The following ZDHHC14 variants were observed in gnomAD, a reference collection of about 807,000 sequenced individuals.
ZDHHC14 encodes the protein zDHHC palmitoyltransferase 14, also known as palmitoyltransferase ZDHHC14.
ZDHHC14 carries 16 observed loss-of-function variants against 47.7 expected under a neutral mutation model. That is an observed-to-expected ratio of 0.34 (90% CI 0.23 to 0.51). The LOEUF (loss-of-function observed/expected upper bound fraction) is 0.51, where lower values mean the gene tolerates loss of function less well. ZDHHC14 is among the 20% of genes least tolerant of loss of function. ZDHHC14 has a pLI of 0.97. For missense variants in ZDHHC14, 515 were observed against 662.5 expected, an observed-to-expected ratio of 0.78 and a Z score of 2.44; for synonymous variants, 293 against 278.9, an observed-to-expected ratio of 1.05 and a Z score of -0.50.
chr6:157,595,473 G>T (rs1418468711), intron 3 of ZDHHC14, among the ~76,000 whole-genome samples: 1 of 152,028 alleles, frequency 6.6e-6, no homozygotes, highest in Non-Finnish European at 1.5e-5. Context: ...TTACAGATGT[G>T]AGCCACTGCT....
rs755258903 is a variant in ZDHHC14, at chr6:157,653,558, C to T, written c.999C>T (p.Asp333=). ...ACAGAAGAGGGTACATCCAGCCCGA[C>T]ACGCCGCAGCCAGCAGCACCCTCCA... The part of the protein sequence containing the change: ...LIDRRGYIQP[D]TPQPAAPSNG... Residue 333 remains aspartate (D), a synonymous_variant, in exon 8 of 9, where the codon GAC becomes GAT. Coordinates refer to ENST00000359775, the MANE Select transcript of ZDHHC14 (RefSeq NM_024630.3). The T allele has an allele frequency of 6.2e-7, 1 of 1,613,984 alleles. No homozygotes were observed. The highest frequency in any genetic ancestry group is 1.1e-5 in the South Asian group (1 of 91,080).
intron 1 of ZDHHC14, among the ~76,000 whole-genome samples, chr6:157,412,814 G>A (rs1221037629): frequency 2.0e-5 from 3 of 152,226 alleles, no homozygotes; most frequent in Non-Finnish European, 4.4e-5. Flanking sequence ...TGGACATGAA[G>A]TTCTGGAAAT....
At chr6:157,666,216 T>C (rs151173323) in intron 8 of ZDHHC14, among the ~76,000 whole-genome samples, 3,030 of 152,344 alleles carry the variant, frequency 0.02, 50 homozygotes, top group Non-Finnish European at 0.03. Flanking sequence ...TGGGATCGCA[T>C]GCTAAATGCA....
Position 157,381,884 on chromosome 6 carries a change from G to A in ZDHHC14, c.-138G>A, listed in dbSNP as rs529370775. 2 of 739,502 alleles carry A rather than the reference G, an allele frequency of 2.7e-6. No individual in the cohort carries two copies. Among genetic ancestry groups the A allele is most frequent in the Admixed American group, 6.5e-5 (1 of 15,328 alleles). The allele number at this position is 739,502 out of a possible 1,614,324, so 45.8% of individuals were successfully genotyped here. On this transcript the variant is annotated 5_prime_UTR_variant, in exon 1 of 9. Coordinates refer to ENST00000359775, the MANE Select transcript of ZDHHC14 (RefSeq NM_024630.3). Reference sequence around the variant, plus strand: ...GGGTGTCCTCGGCAAAGTTGTCGCCGAGCCGGGAGCCCGTGTAGGGGCCGC... The same window carrying A: ...GGGTGTCCTCGGCAAAGTTGTCGCCAAGCCGGGAGCCCGTGTAGGGGCCGC...
intron 2 of ZDHHC14, among the ~76,000 whole-genome samples, chr6:157,587,099 A>C (rs904992224): frequency 1.3e-5 from 2 of 152,250 alleles, no homozygotes; most frequent in African/African-American, 4.8e-5. Flanking sequence ...TTCAGTTTCT[A>C]AACTTTTCTA....
rs535393037 is a variant in ZDHHC14 at position 157,389,834 on chromosome 6, A to G, written c.245+7568A>G. Among the ~76,000 whole-genome samples the G allele has an allele frequency of 6.2e-4, 94 of 152,084 alleles. 1 individual carries two copies. Among genetic ancestry groups the G allele is most frequent in the Non-Finnish European group, 1.9e-4 (13 of 67,974 alleles). On this transcript the variant is annotated intron_variant, in intron 1 of 8. Transcript: ENST00000359775. Reference sequence around the variant, plus strand: ...TATATGCTATAAAGCCAGTAATGTTATTATTTTTAAACAATCAATAGCTTT... The same window carrying G: ...TATATGCTATAAAGCCAGTAATGTTGTTATTTTTAAACAATCAATAGCTTT...
chr6:157,529,923 T>G (rs1221848494), intron 1 of ZDHHC14, among the ~76,000 whole-genome samples: 1 of 152,184 alleles, frequency 6.6e-6, no homozygotes, highest in Non-Finnish European at 1.5e-5. Flanking sequence ...CTCTTATAAG[T>G]CTTATCAGTC....
chr6:157,549,078 A>G (rs1782108244), intron 2 of ZDHHC14, among the ~76,000 whole-genome samples: 1 of 152,226 alleles, frequency 6.6e-6, no homozygotes, highest in Non-Finnish European at 1.5e-5. Flanking sequence ...ACACCTGCCT[A>G]TCTGATATCA....
intron 1 of ZDHHC14, among the ~76,000 whole-genome samples, chr6:157,452,852 A>G (rs1458085447): frequency 6.6e-6 from 1 of 151,640 alleles, no homozygotes; most frequent in African/African-American, 2.4e-5. Context: ...ACAGGCATGC[A>G]CCACCACACC....
chr6:157,588,540 T>C (rs112562803), intron 2 of ZDHHC14, among the ~76,000 whole-genome samples: 56,848 of 151,952 alleles, frequency 0.37, 10,838 homozygotes, highest in East Asian at 0.57. Context: ...GACATGCGAA[T>C]CATGGGTACT....
chr6:157,590,715 G>A (rs971189656), intron 2 of ZDHHC14, among the ~76,000 whole-genome samples: 3 of 152,214 alleles, frequency 2.0e-5, no homozygotes, highest in Non-Finnish European at 4.4e-5. Context: ...TCCCCACTGG[G>A]GCACTGCCTA....
intron 1 of ZDHHC14, among the ~76,000 whole-genome samples, chr6:157,447,451 G>A (rs992301742): frequency 1.3e-5 from 2 of 152,206 alleles, no homozygotes; most frequent in Non-Finnish European, 2.9e-5. Flanking sequence ...TCTCCCCAGC[G>A]CTACCTGCGC....
intron 8 of ZDHHC14, among the ~76,000 whole-genome samples, chr6:157,654,219 TAGGTTTCTAGCGTGC>T (rs918869264): frequency 6.6e-6 from 1 of 152,052 alleles, no homozygotes; most frequent in African/African-American, 2.4e-5. Context: ...TTGCAGTGTG[TAGGTTTCTAGCGTGC>T]AGGTTTCCAG....
chr6:157,400,806 C>A lies in ZDHHC14; in HGVS notation c.245+18540C>A, dbSNP rs547033153. Among the ~76,000 whole-genome samples, 9 of 152,338 alleles carry A rather than the reference C, an allele frequency of 5.9e-5. No homozygotes were observed. In the East Asian group the frequency reaches 1.7e-3, roughly 29 times the overall value. ...TGGCAGTAACCCTGCAGCGTTCCCC[C>A]AGGTCCCGCTGTCTTCCTTTGGCTC... On this transcript the variant is annotated intron_variant, in intron 1 of 8. Transcript: ENST00000359775.
At chr6:157,488,327 C>T (rs1779831782) in intron 1 of ZDHHC14, among the ~76,000 whole-genome samples, 1 of 152,210 alleles carries the variant, frequency 6.6e-6, no homozygotes, top group Non-Finnish European at 1.5e-5. Flanking sequence ...AGCCGGGTTT[C>T]TCCCCGACTT....
intron 1 of ZDHHC14, among the ~76,000 whole-genome samples, chr6:157,528,734 AAAAAT>A (rs1307105067): frequency 3.3e-5 from 5 of 151,856 alleles, no homozygotes; most frequent in South Asian, 4.2e-4. Context: ...TTCATCTCAA[AAAAAT>A]AAAATAAAAT....
At chr6:157,539,399 G>A (rs1011391627) in intron 1 of ZDHHC14, among the ~76,000 whole-genome samples, 2 of 152,002 alleles carry the variant, frequency 1.3e-5, no homozygotes, top group Non-Finnish European at 2.9e-5. Flanking sequence ...GTGAGGCCCT[G>A]TCTCCAGAAA....
At chr6:157,413,982 G>A (rs1777922374) in intron 1 of ZDHHC14, among the ~76,000 whole-genome samples, 3 of 152,068 alleles carry the variant, frequency 2.0e-5, no homozygotes, top group Admixed American at 1.3e-4. Context: ...TGTTGCCCAG[G>A]CTAGAGTGCA....
At chr6:157,526,558 T>C (rs967855043) in intron 1 of ZDHHC14, among the ~76,000 whole-genome samples, 1 of 152,260 alleles carries the variant, frequency 6.6e-6, no homozygotes, top group Non-Finnish European at 1.5e-5. Context: ...CTTGTATCTC[T>C]TCTAGAACCT....
Sources: allele counts gnomAD v4.1 joint callset (sites outside exome capture counted in the v4.1 genomes callset), GRCh38; gene constraint gnomAD v4.1.1; transcripts MANE v1.5; gene names NCBI Gene and HGNC (gene_info 2026-07-23, HGNC 2026-07-21).